The following RAB8A variants were observed in gnomAD, a reference collection of about 807,000 sequenced individuals.
RAB8A encodes the protein RAB8A, member RAS oncogene family, also known as ras-related protein Rab-8A.
A neutral mutation model predicts 29.2 loss-of-function variants in RAB8A; 5 were observed. That is an observed-to-expected ratio of 0.17 (90% confidence interval 0.09 to 0.36). The LOEUF is 0.36. Among genes scored for constraint, RAB8A ranks in the 10% least tolerant of loss-of-function variants. The pLI is 1.00. For missense variants in RAB8A, 171 were observed against 272.2 expected (o/e 0.63, Z 2.62); for synonymous variants, 108 against 99.9 (o/e 1.08, Z -0.49).
intron 3 of RAB8A, chr19:16,124,989 C>CGG: frequency 1.5e-5 from 3 of 204,498 alleles, no homozygotes; most frequent in Non-Finnish European, 3.1e-5. Context: ...GTGTGGATGT[C>CGG]GGGTCAGGAC....
In RAB8A at chr19:16,121,708, T is replaced by C. The variant is rs41276908; in HGVS notation, c.186-42T>C. ...CCTTGTCTCCTACTGAGGACAGTTA[T>C]TTTCCTTTAATGTTGCTAATATCCC... On this transcript the variant is annotated intron_variant, in intron 2 of 7. Transcript: ENST00000300935. 9.1e-3 allele frequency: 14,398 copies of C among 1,582,400 alleles called. 81 individuals carry two copies. Among genetic ancestry groups the C allele is most frequent in the Non-Finnish European group, 0.01 (11,796 of 1,151,706 alleles).
chr19:16,113,394 A>ATTTAT (rs77699768), intron 1 of RAB8A, among the ~76,000 whole-genome samples: 44,896 of 151,062 alleles, frequency 0.3, 6,904 homozygotes, highest in Admixed American at 0.35. Context: ...GCTATGCTTT[A>ATTTAT]TTTATTTTAT....
intron 2 of RAB8A, among the ~76,000 whole-genome samples, chr19:16,121,209 G>A (rs73928734): frequency 0.16 from 23,992 of 151,820 alleles, 2,037 homozygotes; most frequent in Non-Finnish European, 0.19. Flanking sequence ...GAGCCACTGC[G>A]CCCGGCCAGT....
intron 1 of RAB8A, 116 bp from the exon 2 acceptor site, chr19:16,118,110 G>T (rs2090854953): frequency 2.6e-6 from 2 of 777,734 alleles, no homozygotes; most frequent in Non-Finnish European, 4.3e-6. Context: ...CCCAGCACCA[G>T]GCAGGGTCTC....
chr19:16,128,222 C>G (rs927667632), intron 6 of RAB8A, 131 bp downstream of exon 6: 1 of 940,512 alleles, frequency 1.1e-6, no homozygotes, highest in Non-Finnish European at 1.6e-6. Context: ...GCCAGTCAGT[C>G]CTCTGAGGGA....
chr19:16,120,414 G>A (rs1367438854), intron 2 of RAB8A, among the ~76,000 whole-genome samples: 1 of 149,376 alleles, frequency 6.7e-6, no homozygotes, highest in Non-Finnish European at 1.5e-5. Flanking sequence ...CTTGGTTCAA[G>A]CAATTCTCGT....
At position 16,125,387 on chromosome 19, in the gene RAB8A, C is replaced by A; in HGVS notation, c.247-83C>A. 8.0e-7 allele frequency: 1 copy of A among 1,251,514 alleles called. No individual in the cohort carries two copies. Among genetic ancestry groups the A allele is most frequent in the East Asian group, 2.5e-5 (1 of 40,786 alleles). 77.5% of individuals were successfully genotyped at this position (1,251,514 alleles called of 1,614,324 possible). The stretch of plus-strand genomic sequence containing the variant: ...GCTGTGCAGTGGGTGCTGGGCTCCC[C>A]ACCACTGTTCTCTGGTGCCGCTGAG... On this transcript the variant is annotated intron_variant, in intron 3 of 7. Coordinates refer to ENST00000300935, the MANE Select transcript of RAB8A (RefSeq NM_005370.5). The surrounding 1 kb of genome is among the most constrained non-coding windows in gnomAD (Gnocchi z 5.0).
intron 6 of RAB8A, 74 bp downstream of exon 6, chr19:16,128,165 T>A: frequency 6.6e-7 from 1 of 1,513,528 alleles, no homozygotes; most frequent in Non-Finnish European, 9.1e-7. Flanking sequence ...GGAGCTGGCG[T>A]CCTCCGAGGA....
At chr19:16,131,946 T>A (rs2144999028) in intron 7 of RAB8A, among the ~76,000 whole-genome samples, 1 of 149,898 alleles carries the variant, frequency 6.7e-6, no homozygotes. Context: ...GATGGATGGA[T>A]GGTTTGATGG....
At chr19:16,113,320 G>A (rs564535616) in intron 1 of RAB8A, among the ~76,000 whole-genome samples, 1 of 152,356 alleles carries the variant, frequency 6.6e-6, no homozygotes, top group East Asian at 1.9e-4. Context: ...CACTTTGACA[G>A]AATCGTGTTA....
Position 16,122,222 on chromosome 19 carries a change from G to A in RAB8A, c.246+412G>A, listed in dbSNP as rs982879984. On this transcript the variant is annotated intron_variant, in intron 3 of 7. Transcript: ENST00000300935. This position sits in a 1 kb window ranked among gnomAD's most constrained non-coding sequence, Gnocchi z 4.7. ...GCTGACCTGCCCTGGGCTGTCGGCCGTTATATCCGTCACCCAGGCCTGAGG... is the reference window on the plus strand; with the variant it reads ...GCTGACCTGCCCTGGGCTGTCGGCCATTATATCCGTCACCCAGGCCTGAGG... 3.1e-5 allele frequency: 5 copies of A among 162,818 alleles called. No homozygotes were observed. Among genetic ancestry groups the A allele is most frequent in the South Asian group, 3.6e-4 (2 of 5,552 alleles). The allele number at this position is 162,818 out of a possible 1,614,324, so 10.1% of individuals were successfully genotyped here.
At chr19:16,113,394 AT>A (rs918982666) in intron 1 of RAB8A, among the ~76,000 whole-genome samples, 3 of 151,168 alleles carry the variant, frequency 2.0e-5, no homozygotes, top group African/African-American at 7.3e-5. Flanking sequence ...GCTATGCTTT[AT>A]TTATTTTATT....
chr19:16,114,377 C>CTTT (rs35265465), intron 1 of RAB8A, among the ~76,000 whole-genome samples: 3 of 117,164 alleles, frequency 2.6e-5, no homozygotes, highest in Non-Finnish European at 5.2e-5. Context: ...AAACCCCCCT[C>CTTT]TTTTTTTTTT....
At position 16,119,532 on chromosome 19, in the gene RAB8A, G is replaced by A. The variant is rs903073350; in HGVS notation, c.185+1246G>A. Among the ~76,000 whole-genome samples, 7 of 152,010 alleles carry A rather than the reference G, an allele frequency of 4.6e-5. No individual in the cohort carries two copies. In the East Asian group the frequency reaches 7.7e-4, roughly 17 times the overall value. On this transcript the variant is annotated intron_variant, in intron 2 of 7. Transcript: ENST00000300935. Reference sequence around the variant, plus strand: ...ACTGTTCACCTCTTAATCTGACTTTGGGAGTCGGGTAGGTTTAACTTGCAG... The same window carrying A: ...ACTGTTCACCTCTTAATCTGACTTTAGGAGTCGGGTAGGTTTAACTTGCAG...
intron 7 of RAB8A, among the ~76,000 whole-genome samples, chr19:16,131,104 G>A (rs2090922697): frequency 6.6e-6 from 1 of 151,936 alleles, no homozygotes; most frequent in Non-Finnish European, 1.5e-5. Context: ...GATTACAGGT[G>A]TGGGCCACCC....
chr19:16,121,683 C>A, intron 2 of RAB8A, 67 bp from the exon 3 acceptor site: 1 of 1,455,090 alleles, frequency 6.9e-7, no homozygotes, highest in Non-Finnish European at 9.6e-7. Context: ...GGTAGATGCT[C>A]CTTGTCTCCT....
Position 16,112,033 on chromosome 19 carries a change from G to A in RAB8A, c.124+8G>A, listed in dbSNP as rs779880554. 3 of 1,613,538 alleles carry A rather than the reference G, an allele frequency of 1.9e-6. No individual in the cohort carries two copies. The highest frequency in any genetic ancestry group is 2.5e-6 in the Non-Finnish European group (3 of 1,179,630). On this transcript the variant is annotated splice_region_variant and intron_variant, in intron 1 of 7. Transcript: ENST00000300935. ...CTTTTATCTCCACCATAGGTAACGGGACCGGGGAATGGCTGGGGGCGCCGG... is the reference window on the plus strand; with the variant it reads ...CTTTTATCTCCACCATAGGTAACGGAACCGGGGAATGGCTGGGGGCGCCGG...
Position 16,132,207 on chromosome 19 carries a change from T to C in RAB8A, c.532-5T>C, listed in dbSNP as rs1460166992. The stretch of plus-strand genomic sequence containing the variant: ...ATAACCTCAGAAAACCTCTTGTGAT[T>C]TCAGGAAGGCAACAGCCCCCAGGGG... On this transcript the variant is annotated splice_region_variant and splice_polypyrimidine_tract_variant and intron_variant, in intron 7 of 7. Transcript: ENST00000300935. This position sits in a 1 kb window ranked among gnomAD's most constrained non-coding sequence, Gnocchi z 5.6. 6.2e-7 allele frequency: 1 copy of C among 1,611,040 alleles called. No homozygotes were observed. Among genetic ancestry groups the C allele is most frequent in the Non-Finnish European group, 8.5e-7 (1 of 1,177,412 alleles).
chr19:16,131,798 G>A (rs927222669), intron 7 of RAB8A, among the ~76,000 whole-genome samples: 5 of 151,608 alleles, frequency 3.3e-5, no homozygotes, highest in East Asian at 1.9e-4. Flanking sequence ...GTGGATAGAC[G>A]GATGGAAGGG....
Sources: allele counts gnomAD v4.1 joint callset (sites outside exome capture counted in the v4.1 genomes callset), GRCh38; gene constraint gnomAD v4.1.1; non-coding constraint Gnocchi (gnomAD v3.1); transcripts MANE v1.5; gene names NCBI Gene and HGNC (gene_info 2026-07-23, HGNC 2026-07-21).